The following FARSB variants were observed in gnomAD, a reference collection of about 807,000 sequenced individuals.
The protein encoded by FARSB is phenylalanyl-tRNA synthetase subunit beta.
A neutral mutation model predicts 69.6 loss-of-function variants in FARSB; 40 were observed. The ratio of observed to expected loss-of-function variants is 0.57; its 90% CI spans 0.45 to 0.75. The LOEUF (loss-of-function observed/expected upper bound fraction) is 0.75, where lower values mean the gene tolerates loss of function less well. FARSB is among the 30% of genes least tolerant of loss of function. The pLI is 0.00. For synonymous variants in FARSB, 235 were observed against 247.2 expected (o/e 0.95, Z 0.46); for missense variants, 632 against 722.9 (o/e 0.87, Z 1.44).
At chr2:222,596,012 G>T (rs1043392574) in intron 16 of FARSB, among the ~76,000 whole-genome samples, 31 of 152,064 alleles carry the variant, frequency 2.0e-4, no homozygotes, top group Non-Finnish European at 3.7e-4. Context: ...ATGCTCTGCA[G>T]TCTGCTAAAA....
At chr2:222,645,884 C>A (rs1345248839) in intron 2 of FARSB, among the ~76,000 whole-genome samples, 1 of 151,914 alleles carries the variant, frequency 6.6e-6, no homozygotes, top group East Asian at 1.9e-4. Context: ...GATTAACTGG[C>A]TCAGTTATGT....
intron 16 of FARSB, among the ~76,000 whole-genome samples, chr2:222,591,394 C>A (rs1356015292): frequency 1.3e-5 from 2 of 152,160 alleles, no homozygotes; most frequent in Admixed American, 6.5e-5. Context: ...CTAGAGAACA[C>A]CCAAAGCCTG....
chr2:222,594,157 C>T (rs76061128), intron 16 of FARSB, among the ~76,000 whole-genome samples: 2,458 of 144,956 alleles, frequency 0.017, 50 homozygotes, highest in African/African-American at 0.045. Context: ...GTCCCAGCTA[C>T]TTGGGTAGCT....
At chr2:222,586,974 C>T (rs1690131495) in intron 16 of FARSB, among the ~76,000 whole-genome samples, 1 of 152,192 alleles carries the variant, frequency 6.6e-6, no homozygotes, top group African/African-American at 2.4e-5. Flanking sequence ...CAAGGATATC[C>T]AGGACTTGAA....
chr2:222,624,823 G>T, intron 10 of FARSB, 48 bp from the exon 11 acceptor site: 1 of 1,167,422 alleles, frequency 8.6e-7, no homozygotes, highest in Non-Finnish European at 1.2e-6. Flanking sequence ...ATCAGATACA[G>T]CTTTAGAGTC....
intron 15 of FARSB, among the ~76,000 whole-genome samples, chr2:222,607,240 T>G (rs1174969057): frequency 6.6e-6 from 1 of 152,150 alleles, no homozygotes; most frequent in East Asian, 1.9e-4. Flanking sequence ...TGAAGAGAAT[T>G]CAACAAATTA....
intron 14 of FARSB, among the ~76,000 whole-genome samples, chr2:222,615,608 A>G (rs1690976441): frequency 6.6e-6 from 1 of 152,274 alleles, no homozygotes; most frequent in African/African-American, 2.4e-5. Flanking sequence ...CTAGGTTCAC[A>G]TGTGGCTTCC....
intron 15 of FARSB, among the ~76,000 whole-genome samples, chr2:222,611,067 C>G (rs1021078993): frequency 2.6e-5 from 4 of 152,116 alleles, no homozygotes; most frequent in African/African-American, 9.7e-5. Flanking sequence ...TCCAGGCCTA[C>G]CTAAACAGAA....
chr2:222,587,336 T>A (rs1348655464), intron 16 of FARSB, among the ~76,000 whole-genome samples: 1 of 152,088 alleles, frequency 6.6e-6, no homozygotes, highest in Non-Finnish European at 1.5e-5. Flanking sequence ...CATACCAGAA[T>A]CTCTGGGACA....
intron 16 of FARSB, among the ~76,000 whole-genome samples, chr2:222,581,980 G>A (rs988535977): frequency 1.3e-5 from 2 of 152,150 alleles, no homozygotes; most frequent in South Asian, 2.1e-4. Context: ...TTTGTACAAC[G>A]TTGGAACTAG....
intron 7 of FARSB, among the ~76,000 whole-genome samples, chr2:222,631,890 C>A (rs368202657): frequency 1.3e-5 from 2 of 152,302 alleles, no homozygotes; most frequent in South Asian, 2.1e-4. Flanking sequence ...CTAACTAACA[C>A]AGAGAAACCC....
chr2:222,574,516 C>T (rs1689788675), intron 16 of FARSB, among the ~76,000 whole-genome samples: 1 of 152,166 alleles, frequency 6.6e-6, no homozygotes, highest in Non-Finnish European at 1.5e-5. Flanking sequence ...GCTGACAGCA[C>T]ATACAGGAGC....
intron 16 of FARSB, among the ~76,000 whole-genome samples, chr2:222,584,669 G>A (rs1230542599): frequency 2.0e-5 from 3 of 152,188 alleles, no homozygotes; most frequent in Admixed American, 1.3e-4. Context: ...AACAGTCTTA[G>A]CAAACAGCAC....
At chr2:222,605,736 A>ATAAATTTATTT (rs1690688436) in intron 15 of FARSB, among the ~76,000 whole-genome samples, 1 of 146,020 alleles carries the variant, frequency 6.8e-6, no homozygotes, top group Non-Finnish European at 1.5e-5. Flanking sequence ...TGGGCAACAA[A>ATAAATTTATTT]GTGAGACTCC....
At chr2:222,595,665 C>A (rs1690391148) in intron 16 of FARSB, among the ~76,000 whole-genome samples, 1 of 151,956 alleles carries the variant, frequency 6.6e-6, no homozygotes, top group Non-Finnish European at 1.5e-5. Context: ...AAATAGGTAA[C>A]AAGCTAAAGG....
rs987135210 is a variant in FARSB at position 222,568,016 on chromosome 2, T to C, written c.*3855A>G. The C allele has an allele frequency of 2.6e-5, 4 of 152,162 alleles. No individual in the cohort carries two copies. The highest frequency in any genetic ancestry group is 6.5e-5 in the Admixed American group (1 of 15,280). The allele number at this position is 152,162 out of a possible 1,614,324, so 9.4% of individuals were successfully genotyped here. On this transcript the variant is annotated 3_prime_UTR_variant, in exon 17 of 17. Coordinates refer to ENST00000281828, the MANE Select transcript of FARSB (RefSeq NM_005687.5). The surrounding 1 kb of genome is among the most constrained non-coding windows in gnomAD (Gnocchi z 4.3). Reference sequence around the variant, plus strand: ...ATGGGGCATATTAAGTGAAATGTCATGAGATATATGTAAAATAAAAAACAA... The same window carrying C: ...ATGGGGCATATTAAGTGAAATGTCACGAGATATATGTAAAATAAAAAACAA...
intron 16 of FARSB, among the ~76,000 whole-genome samples, chr2:222,578,153 A>C (rs1346769785): frequency 6.6e-6 from 1 of 152,174 alleles, no homozygotes; most frequent in Non-Finnish European, 1.5e-5. Flanking sequence ...TTTCCCCCAA[A>C]ATTTTCACAT....
intron 16 of FARSB, among the ~76,000 whole-genome samples, chr2:222,583,862 T>A (rs1196396886): frequency 6.6e-6 from 1 of 152,172 alleles, no homozygotes; most frequent in Non-Finnish European, 1.5e-5. Context: ...CCCCCTTTAC[T>A]CACTTTCCTG....
intron 16 of FARSB, among the ~76,000 whole-genome samples, chr2:222,584,522 T>C (rs115903449): frequency 2.8e-4 from 43 of 152,232 alleles, no homozygotes; most frequent in African/African-American, 9.9e-4. Flanking sequence ...CCATGGAGTG[T>C]GAGCCAAAGC....
Sources: gnomAD v4.1 joint callset for allele counts (sites outside exome capture counted in the v4.1 genomes callset) on GRCh38, gnomAD v4.1.1 for gene constraint, Gnocchi (gnomAD v3.1) non-coding constraint, MANE v1.5 for transcripts, NCBI Gene and HGNC (gene_info 2026-07-23, HGNC 2026-07-21) for gene names.